SCHIP1: variants seen among roughly 807,000 people sequenced by gnomAD.
The protein encoded by SCHIP1 is schwannomin-interacting protein 1.
SCHIP1 carries 8 observed loss-of-function variants against 29.7 expected under a neutral mutation model. That is an observed-to-expected ratio of 0.27 (90% CI 0.16 to 0.49). SCHIP1 has a LOEUF of 0.49. Ranked by LOEUF, SCHIP1 falls within the 20% of genes least tolerant of loss-of-function variation. The probability of loss-of-function intolerance (pLI) is 0.99; values close to 1 mark genes in which losing one functional copy is unlikely to be tolerated. For synonymous variants in SCHIP1, 76 were observed against 94.9 expected (o/e 0.80, Z 1.16); for missense variants, 193 against 294.6 (o/e 0.66, Z 2.52).
the SCHIP1 span, among the ~76,000 whole-genome samples, chr3:159,617,329 C>G: frequency 6.6e-6 from 1 of 152,198 alleles, no homozygotes; most frequent in Non-Finnish European, 1.5e-5. Context: ...GCCTCCCTGT[C>G]TCTCCGATCC....
chr3:159,826,260 CA>C, the SCHIP1 span, among the ~76,000 whole-genome samples: 1 of 152,138 alleles, frequency 6.6e-6, no homozygotes, highest in African/African-American at 2.4e-5. Context: ...ATGATCGAAT[CA>C]GGGGCAGCCG....
the SCHIP1 span, among the ~76,000 whole-genome samples, chr3:159,290,785 G>A: frequency 6.6e-6 from 1 of 152,002 alleles, no homozygotes; most frequent in Non-Finnish European, 1.5e-5. Flanking sequence ...ATTTTACAGT[G>A]TTTTAATTTA....
At chr3:159,300,176 C>G in the SCHIP1 span, among the ~76,000 whole-genome samples, 1 of 130,044 alleles carries the variant, frequency 7.7e-6, no homozygotes, top group Non-Finnish European at 1.5e-5. Context: ...GGCTGGAGTG[C>G]GAATGGCATA....
the SCHIP1 span, among the ~76,000 whole-genome samples, chr3:159,510,206 A>C: frequency 2.0e-5 from 3 of 151,734 alleles, no homozygotes; most frequent in Non-Finnish European, 2.9e-5. Context: ...TTCTCATTTC[A>C]TTTCATTTAT....
chr3:159,464,898 A>G, the SCHIP1 span, among the ~76,000 whole-genome samples: 1 of 152,196 alleles, frequency 6.6e-6, no homozygotes, highest in Non-Finnish European at 1.5e-5. Context: ...ATTGGTATAA[A>G]AATTGCAGAA....
At chr3:159,637,625 A>T in the SCHIP1 span, among the ~76,000 whole-genome samples, 1 of 152,342 alleles carries the variant, frequency 6.6e-6, no homozygotes, top group Non-Finnish European at 1.5e-5. Context: ...TTCCTTAGAG[A>T]AAATCTAGTG....
chr3:159,686,244 C>A, the SCHIP1 span, among the ~76,000 whole-genome samples: 16 of 152,128 alleles, frequency 1.1e-4, no homozygotes, highest in Non-Finnish European at 2.2e-4. Flanking sequence ...GAGGCTGTAA[C>A]CACAGGAATA....
intron 2 of SCHIP1, among the ~76,000 whole-genome samples, chr3:159,872,489 C>CT (rs1337935509): frequency 1.3e-5 from 2 of 152,190 alleles, no homozygotes; most frequent in Admixed American, 1.3e-4. Context: ...TTGAAAATCA[C>CT]TGAGTCATCT....
chr3:159,793,349 T>C, the SCHIP1 span, among the ~76,000 whole-genome samples: 3 of 152,200 alleles, frequency 2.0e-5, no homozygotes, highest in African/African-American at 7.2e-5. Flanking sequence ...ATCTTTGTGC[T>C]TGGTTCTTTC....
chr3:159,391,630 AT>A, the SCHIP1 span, among the ~76,000 whole-genome samples: 2 of 152,214 alleles, frequency 1.3e-5, no homozygotes, highest in African/African-American at 4.8e-5. Flanking sequence ...CTGCACAAGA[AT>A]TTATTGAATC....
the SCHIP1 span, among the ~76,000 whole-genome samples, chr3:159,713,529 A>G: frequency 4.6e-5 from 7 of 152,254 alleles, no homozygotes; most frequent in African/African-American, 1.4e-4. Flanking sequence ...CAATACATAA[A>G]TGCATATAGT....
the SCHIP1 span, among the ~76,000 whole-genome samples, chr3:159,356,202 G>C: frequency 9.7e-3 from 1,424 of 146,714 alleles, 4 homozygotes; most frequent in Non-Finnish European, 0.013. Context: ...AAAACTTAAA[G>C]TATAATAAAA....
At chr3:159,599,764 G>A in the SCHIP1 span, among the ~76,000 whole-genome samples, 1 of 152,124 alleles carries the variant, frequency 6.6e-6, no homozygotes, top group Non-Finnish European at 1.5e-5. Flanking sequence ...TTTTAGTACT[G>A]GTACTGTTTG....
At chr3:159,414,824 G>A in the SCHIP1 span, among the ~76,000 whole-genome samples, 2,625 of 152,122 alleles carry the variant, frequency 0.017, 89 homozygotes, top group African/African-American at 0.06. Context: ...AGCATGCAAT[G>A]TGTATCCCAC....
chr3:159,811,848 T>A, the SCHIP1 span, among the ~76,000 whole-genome samples: 5 of 152,244 alleles, frequency 3.3e-5, no homozygotes, highest in African/African-American at 1.2e-4. Flanking sequence ...ATAGGAATTA[T>A]GTTGAATCTA....
the SCHIP1 span, among the ~76,000 whole-genome samples, chr3:159,789,217 C>CCTT: frequency 6.6e-6 from 1 of 152,098 alleles, no homozygotes; most frequent in Admixed American, 6.5e-5. Flanking sequence ...GCTGGAAATT[C>CCTT]CTTCAAAAGT....
chr3:159,374,620 G>T, the SCHIP1 span, among the ~76,000 whole-genome samples: 1 of 152,244 alleles, frequency 6.6e-6, no homozygotes, highest in Non-Finnish European at 1.5e-5. Flanking sequence ...AGAAGTTACA[G>T]AAATATGTAA....
chr3:159,383,095 A>C, the SCHIP1 span, among the ~76,000 whole-genome samples: 2 of 146,442 alleles, frequency 1.4e-5, no homozygotes, highest in Non-Finnish European at 3.0e-5. Context: ...TTGCTGTGCA[A>C]AAGCTCTTTA....
chr3:159,711,827 A>G, the SCHIP1 span, among the ~76,000 whole-genome samples: 1 of 152,232 alleles, frequency 6.6e-6, no homozygotes, highest in Non-Finnish European at 1.5e-5. Flanking sequence ...ACAGGGAACA[A>G]TGAAGAATCG....
Sources: gnomAD v4.1 joint callset for allele counts (sites outside exome capture counted in the v4.1 genomes callset) on GRCh38, gnomAD v4.1.1 for gene constraint, MANE v1.5 for transcripts, NCBI Gene and HGNC (gene_info 2026-07-23, HGNC 2026-07-21) for gene names.